The following STAB2 variants were observed in gnomAD, a reference collection of about 807,000 sequenced individuals.
STAB2 encodes stabilin-2.
Under a neutral mutation model 338.1 loss-of-function variants are expected in STAB2, and 288 were observed. The observed-to-expected ratio is 0.85, with a 90% CI of 0.77 to 0.94. The LOEUF is 0.94. STAB2 is among the 40% of genes least tolerant of loss of function. The probability of loss-of-function intolerance (pLI) is 0.00; values close to 1 mark genes in which losing one functional copy is unlikely to be tolerated. For missense variants in STAB2, 3,141 were observed against 3,210.1 expected (o/e 0.98, Z 0.52); for synonymous variants, 1,202 against 1,193.3 (o/e 1.01, Z -0.15).
At chr12:103,700,134 C>T (rs1878735648) in intron 34 of STAB2, among the ~76,000 whole-genome samples, 1 of 152,176 alleles carries the variant, frequency 6.6e-6, no homozygotes, top group African/African-American at 2.4e-5. Flanking sequence ...AACGTGTTTA[C>T]AATTCATAGA....
At chr12:103,745,100 A>G in intron 56 of STAB2, 73 bp from the exon 57 acceptor site, 1 of 1,347,206 alleles carries the variant, frequency 7.4e-7, no homozygotes, top group Admixed American at 2.4e-5. Context: ...AATGCATAGC[A>G]AACAAGGGGT....
intron 26 of STAB2, among the ~76,000 whole-genome samples, 169 bp from the exon 27 acceptor site, chr12:103,684,820 C>T (rs898264641): frequency 6.6e-6 from 1 of 152,202 alleles, no homozygotes; most frequent in Non-Finnish European, 1.5e-5. Flanking sequence ...ATCAAACATG[C>T]AGACAGGAGA....
At chr12:103,712,295 G>T in intron 40 of STAB2, 72 bp from the exon 41 acceptor site, 3 of 1,167,402 alleles carry the variant, frequency 2.6e-6, no homozygotes, top group Non-Finnish European at 3.9e-6. Context: ...TGAGGGTGAA[G>T]GGCATTTGTG....
rs1882937200 is a variant in STAB2 at position 103,745,286 on chromosome 12, T to C, written c.6136+9T>C. 6.2e-7 allele frequency: 1 copy of C among 1,611,820 alleles called. No individual in the cohort carries two copies. Among genetic ancestry groups the C allele is most frequent in the Non-Finnish European group, 8.5e-7 (1 of 1,179,412 alleles). On this transcript the variant is annotated intron_variant, in intron 57 of 68. Coordinates refer to ENST00000388887, the MANE Select transcript of STAB2 (RefSeq NM_017564.10). ...GTGTGACACTCAGGCAGGTCAGTCA[T>C]GGGAGTGGTCAGCTGCTGGCAGCCC...
chr12:103,624,106 A>T (rs1053982235), intron 5 of STAB2, among the ~76,000 whole-genome samples: 10 of 152,232 alleles, frequency 6.6e-5, no homozygotes, highest in Non-Finnish European at 1.5e-4. Context: ...AAACCTATGC[A>T]CACACAACAC....
chr12:103,643,856 G>C (rs930787493), intron 9 of STAB2, among the ~76,000 whole-genome samples: 2 of 148,354 alleles, frequency 1.3e-5, no homozygotes, highest in Non-Finnish European at 3.0e-5. Flanking sequence ...CACCCGGCCA[G>C]CCGCCCCGTC....
chr12:103,690,732 T>C (rs1344236699), intron 30 of STAB2, among the ~76,000 whole-genome samples, 194 bp downstream of exon 30: 13 of 152,240 alleles, frequency 8.5e-5, no homozygotes, highest in Non-Finnish European at 1.5e-4. Flanking sequence ...CGTTACCCTA[T>C]AGCAGTGATC....
intron 2 of STAB2, 68 bp downstream of exon 2, chr12:103,591,098 C>T: frequency 1.3e-6 from 2 of 1,595,564 alleles, no homozygotes; most frequent in Non-Finnish European, 1.7e-6. Context: ...TCAAAAACTG[C>T]AAAGCATTTC....
chr12:103,761,266 G>C, intron 65 of STAB2, 34 bp from the exon 66 acceptor site: 1 of 1,599,662 alleles, frequency 6.3e-7, no homozygotes, highest in Non-Finnish European at 8.6e-7. Flanking sequence ...CACTCGGAGA[G>C]TAAAAGCCAT....
At chr12:103,651,805 C>T (rs1593183890) in intron 11 of STAB2, among the ~76,000 whole-genome samples, 1 of 152,120 alleles carries the variant, frequency 6.6e-6, no homozygotes, top group East Asian at 1.9e-4. Context: ...TATCTTAATC[C>T]AAGATATTTT....
chr12:103,666,178 T>C, intron 18 of STAB2, 113 bp from the exon 19 acceptor site: 1 of 1,035,644 alleles, frequency 9.7e-7, no homozygotes, highest in Middle Eastern at 3.0e-4. Flanking sequence ...GCCAGGATCA[T>C]GGCTCAGTGG....
At chr12:103,661,313 A>G (rs1271206824) in intron 17 of STAB2, among the ~76,000 whole-genome samples, 1 of 152,118 alleles carries the variant, frequency 6.6e-6, no homozygotes, top group Admixed American at 6.5e-5. Context: ...AGGCTGCATT[A>G]TTCATCTAAC....
rs1259506495 is a variant in STAB2, at chr12:103,759,179, T to C, written c.7154T>C (p.Met2385Thr). Residue 2385 changes from methionine to threonine, a missense_variant, in exon 65 of 69, where the codon ATG becomes ACG. Physicochemically the swap from Met to Thr is moderately conservative, Grantham distance 81. Coordinates refer to ENST00000388887, the MANE Select transcript of STAB2 (RefSeq NM_017564.10). ...DIEHHLANVS[M>T]FFYNDLVNGT... Reference sequence around the variant, plus strand: ...GAGCACCACCTCGCCAATGTCAGCATGTTTTTCTACAATGACCTTGTCAAT... The same window carrying C: ...GAGCACCACCTCGCCAATGTCAGCACGTTTTTCTACAATGACCTTGTCAAT... The C allele has an allele frequency of 6.2e-7, 1 of 1,614,086 alleles. No individual in the cohort carries two copies. Among genetic ancestry groups the C allele is most frequent in the African/African-American group, 1.3e-5 (1 of 74,922 alleles).
At chr12:103,698,840 A>T (rs1418169344) in intron 33 of STAB2, among the ~76,000 whole-genome samples, 1 of 152,148 alleles carries the variant, frequency 6.6e-6, no homozygotes, top group East Asian at 1.9e-4. Context: ...CCCAGCTCTC[A>T]TATCTTCAGT....
chr12:103,655,007 G>A (rs1233556618), intron 13 of STAB2: 5 of 560,462 alleles, frequency 8.9e-6, no homozygotes, highest in Non-Finnish European at 1.5e-5. Flanking sequence ...AGTTATTGCT[G>A]CAATAAAACT....
intron 8 of STAB2, among the ~76,000 whole-genome samples, chr12:103,639,505 C>A (rs753093412): frequency 1.3e-5 from 2 of 152,014 alleles, no homozygotes; most frequent in Non-Finnish European, 2.9e-5. Context: ...GAGTTCAAGA[C>A]CAACCTGGGC....
intron 45 of STAB2, 92 bp from the exon 46 acceptor site, chr12:103,726,024 G>C: frequency 7.1e-7 from 1 of 1,407,520 alleles, no homozygotes; most frequent in Non-Finnish European, 9.9e-7. Flanking sequence ...ATTTCCAGCT[G>C]AAGGGATGGC....
intron 41 of STAB2, among the ~76,000 whole-genome samples, chr12:103,712,886 C>G (rs1879996219): frequency 6.6e-6 from 1 of 152,172 alleles, no homozygotes; most frequent in African/African-American, 2.4e-5. Flanking sequence ...GGTTCTTCCT[C>G]CAACTACCCA....
chr12:103,752,972 G>C (rs112488454), intron 60 of STAB2, among the ~76,000 whole-genome samples: 2 of 152,170 alleles, frequency 1.3e-5, no homozygotes, highest in African/African-American at 4.8e-5. Flanking sequence ...TAGAATTGTA[G>C]GTGGTTTTTG....
Sources: gnomAD v4.1 joint callset for allele counts (sites outside exome capture counted in the v4.1 genomes callset) on GRCh38, gnomAD v4.1.1 for gene constraint, MANE v1.5 for transcripts, NCBI Gene and HGNC (gene_info 2026-07-23, HGNC 2026-07-21) for gene names.